Variants in CYSTM1 observed in about 807,000 individuals in gnomAD.
CYSTM1 encodes the protein cysteine rich transmembrane module containing 1.
In CYSTM1, 4 loss-of-function variants were observed where a neutral mutation model predicts 13.1. The ratio of observed to expected loss-of-function variants is 0.31; its 90% CI spans 0.15 to 0.70. The LOEUF is 0.70. Among genes scored for constraint, CYSTM1 ranks in the 30% least tolerant of loss-of-function variants. CYSTM1 has a pLI of 0.72. For missense variants in CYSTM1, 96 were observed against 121.6 expected (o/e 0.79, Z 0.99); for synonymous variants, 36 against 42.7 (o/e 0.84, Z 0.62).
chr5:140,179,932 G>A (rs937625334), intron 1 of CYSTM1, among the ~76,000 whole-genome samples: 1 of 152,066 alleles, frequency 6.6e-6, no homozygotes, highest in Admixed American at 6.5e-5. Context: ...CAAAGTGCTG[G>A]GATTACAGAC....
intron 2 of CYSTM1, among the ~76,000 whole-genome samples, chr5:140,242,898 G>T (rs1339982852): frequency 6.6e-6 from 1 of 152,226 alleles, no homozygotes; most frequent in Non-Finnish European, 1.5e-5. Context: ...CCCTTTAAAA[G>T]GAGATTTTAA....
intron 2 of CYSTM1, among the ~76,000 whole-genome samples, chr5:140,198,717 G>T (rs563152788): frequency 6.6e-6 from 1 of 152,276 alleles, no homozygotes; most frequent in Non-Finnish European, 1.5e-5. Context: ...TACAATTCAT[G>T]TACCATACAA....
intron 1 of CYSTM1, among the ~76,000 whole-genome samples, chr5:140,191,462 T>C (rs899340238): frequency 6.6e-6 from 1 of 152,158 alleles, no homozygotes; most frequent in Non-Finnish European, 1.5e-5. Context: ...GGAGGACGCA[T>C]ACACTTGGAA....
At chr5:140,190,250 CTTA>C (rs1202220487) in intron 1 of CYSTM1, among the ~76,000 whole-genome samples, 1 of 152,060 alleles carries the variant, frequency 6.6e-6, no homozygotes, top group East Asian at 1.9e-4. Context: ...AAAAAAAACC[CTTA>C]TTTTTTTTCT....
intron 2 of CYSTM1, among the ~76,000 whole-genome samples, chr5:140,222,666 A>G (rs1201946478): frequency 6.6e-6 from 1 of 152,216 alleles, no homozygotes; most frequent in Non-Finnish European, 1.5e-5. Context: ...TGAGGCAGGG[A>G]CTGCCCACTG....
chr5:140,208,706 T>C (rs190412613), intron 2 of CYSTM1, among the ~76,000 whole-genome samples: 1 of 152,308 alleles, frequency 6.6e-6, no homozygotes, highest in African/African-American at 2.4e-5. Context: ...ACCTACTATG[T>C]ACCCACAAAA....
At chr5:140,183,083 T>A (rs183225378) in intron 1 of CYSTM1, among the ~76,000 whole-genome samples, 5 of 152,278 alleles carry the variant, frequency 3.3e-5, no homozygotes, top group Admixed American at 1.3e-4. Flanking sequence ...TCATCAAGAT[T>A]TCAACTTTCC....
chr5:140,240,307 T>C (rs1389034627), intron 2 of CYSTM1, among the ~76,000 whole-genome samples: 1 of 151,908 alleles, frequency 6.6e-6, no homozygotes, highest in East Asian at 1.9e-4. Flanking sequence ...CAGTTTAACA[T>C]CTTATGTAAC....
chr5:140,181,779 G>T (rs1213185973), intron 1 of CYSTM1, among the ~76,000 whole-genome samples: 1 of 152,210 alleles, frequency 6.6e-6, no homozygotes, highest in Non-Finnish European at 1.5e-5. Context: ...CACTGCCACT[G>T]CAAGATAGCA....
intron 2 of CYSTM1, among the ~76,000 whole-genome samples, chr5:140,214,324 G>A (rs2126665000): frequency 6.6e-6 from 1 of 152,326 alleles, no homozygotes; most frequent in South Asian, 2.1e-4. Context: ...GTTTTGGTCA[G>A]GTACTTTATG....
chr5:140,240,655 T>G lies in CYSTM1; in HGVS notation c.188-2650T>G, dbSNP rs998794379. ...TGGGTGGGGATCCTGGGGCAGAGACTAGGCTGTGCAGCTCAGTGCACCCTC... is the reference window on the plus strand; with the variant it reads ...TGGGTGGGGATCCTGGGGCAGAGACGAGGCTGTGCAGCTCAGTGCACCCTC... On this transcript the variant is annotated intron_variant, in intron 2 of 2. Transcript: ENST00000261811. Among the ~76,000 whole-genome samples the G allele has an allele frequency of 2.6e-5, 4 of 152,138 alleles. No homozygotes were observed. The East Asian group carries it at 7.8e-4, about 30-fold the overall frequency.
rs1764470123 is a variant in CYSTM1 at position 140,219,889 on chromosome 5, C to T, written c.188-23416C>T. On this transcript the variant is annotated intron_variant, in intron 2 of 2. Coordinates refer to ENST00000261811, the MANE Select transcript of CYSTM1 (RefSeq NM_032412.4). This position sits in a 1 kb window ranked among gnomAD's most constrained non-coding sequence, Gnocchi z 4.1. ...TGCCTGGACACTAATTGGAAAAACC[C>T]AACAGCTACCTCCTTGGTGATCTCT... is the stretch of plus-strand genomic sequence containing the variant. Among the ~76,000 whole-genome samples the T allele has an allele frequency of 6.6e-6, 1 of 152,154 alleles. No homozygotes were observed. Among genetic ancestry groups the T allele is most frequent in the African/African-American group, 2.4e-5 (1 of 41,428 alleles).
intron 1 of CYSTM1, among the ~76,000 whole-genome samples, chr5:140,190,556 T>C (rs1366872865): frequency 6.6e-6 from 1 of 152,152 alleles, no homozygotes; most frequent in African/African-American, 2.4e-5. Flanking sequence ...GTCTGCAGAG[T>C]CAGTGCCAGT....
chr5:140,228,674 A>G, intron 2 of CYSTM1: 2 of 398,776 alleles, frequency 5.0e-6, no homozygotes, highest in Non-Finnish European at 8.8e-6. Flanking sequence ...TGCCACTCCA[A>G]GTCCCCTCTG....
At chr5:140,199,530 G>A (rs988037006) in intron 2 of CYSTM1, among the ~76,000 whole-genome samples, 7 of 152,210 alleles carry the variant, frequency 4.6e-5, no homozygotes, top group South Asian at 2.1e-4. Context: ...TCACACTGTC[G>A]CCCAGGCTGG....
Position 140,230,947 on chromosome 5 carries a change from C to T in CYSTM1, c.188-12358C>T, listed in dbSNP as rs1001955466. ...TTTTTCGTAATTTTCTTGGCTTTCT[C>T]GGCCTTTTACTGTTTCATCTACATT... On this transcript the variant is annotated intron_variant, in intron 2 of 2. Coordinates refer to ENST00000261811, the MANE Select transcript of CYSTM1 (RefSeq NM_032412.4). The surrounding 1 kb of genome is among the most constrained non-coding windows in gnomAD (Gnocchi z 4.1). 1.3e-4 allele frequency among the ~76,000 whole-genome samples: 20 copies of T among 152,142 alleles called. No homozygotes were observed. Among genetic ancestry groups the T allele is most frequent in the South Asian group, 4.1e-4 (2 of 4,830 alleles).
rs1471756052 is a variant in CYSTM1 at position 140,175,944 on chromosome 5, C to G, written c.-21+659C>G. Among the ~76,000 whole-genome samples the G allele has an allele frequency of 6.6e-6, 1 of 152,118 alleles. No homozygotes were observed. The highest frequency in any genetic ancestry group is 6.5e-5 in the Admixed American group (1 of 15,272). Reference sequence around the variant, plus strand: ...GGGGTCCTGACGGGTGGGAACTAATCTCCCGGTAGCAGTGGAGGTTGCAGG... The same window carrying G: ...GGGGTCCTGACGGGTGGGAACTAATGTCCCGGTAGCAGTGGAGGTTGCAGG... On this transcript the variant is annotated intron_variant, in intron 1 of 2. Transcript: ENST00000261811. The surrounding 1 kb of genome is among the most constrained non-coding windows in gnomAD (Gnocchi z 4.9).
intron 2 of CYSTM1, among the ~76,000 whole-genome samples, chr5:140,222,051 G>A (rs1350783664): frequency 1.3e-5 from 2 of 152,224 alleles, no homozygotes; most frequent in Non-Finnish European, 2.9e-5. Flanking sequence ...CTCTAGTGGC[G>A]TGGGCTCTTA....
At chr5:140,196,936 A>G (rs1186542618) in intron 2 of CYSTM1, among the ~76,000 whole-genome samples, 1 of 152,204 alleles carries the variant, frequency 6.6e-6, no homozygotes, top group Non-Finnish European at 1.5e-5. Context: ...AATATTCTGT[A>G]TCTTAATCTT....
Sources: allele counts gnomAD v4.1 joint callset (sites outside exome capture counted in the v4.1 genomes callset), GRCh38; gene constraint gnomAD v4.1.1; non-coding constraint Gnocchi (gnomAD v3.1); transcripts MANE v1.5; gene names NCBI Gene and HGNC (gene_info 2026-07-23, HGNC 2026-07-21).